The following MTMR9 variants were observed in gnomAD, a reference collection of about 807,000 sequenced individuals.
MTMR9 encodes the protein myotubularin-related protein 9.
MTMR9 carries 39 observed loss-of-function variants against 69.5 expected under a neutral mutation model. That is an observed-to-expected ratio of 0.56 (90% CI 0.43 to 0.73). The LOEUF is 0.73. Ranked by LOEUF, MTMR9 falls within the 30% of genes least tolerant of loss-of-function variation. The pLI, the probability that MTMR9 is intolerant of heterozygous loss-of-function variation, is 0.00. For synonymous variants in MTMR9, 354 were observed against 240.8 expected (o/e 1.47, Z -4.35); for missense variants, 900 against 671.2 (o/e 1.34, Z -3.77).
chr8:11,289,672 G>T lies in MTMR9; in HGVS notation c.182+4602G>T, dbSNP rs74629787. ...CCACGTTAGTTGTTGCTATAAAATA[G>T]ATAGCACTATTGTGTATGGGTGTGC... On this transcript the variant is annotated intron_variant, in intron 1 of 9. Coordinates refer to ENST00000221086, the MANE Select transcript of MTMR9 (RefSeq NM_015458.4). Among the ~76,000 whole-genome samples, 1,198 of 152,206 alleles carry T rather than the reference G, an allele frequency of 7.9e-3. 63 individuals are homozygous for T. In the East Asian group the frequency reaches 0.13, roughly 17 times the overall value.
At chr8:11,321,379 A>G (rs953925055) in intron 9 of MTMR9, 2 of 456,126 alleles carry the variant, frequency 4.4e-6, no homozygotes, top group Non-Finnish European at 8.8e-6. Context: ...TTCTGGGACA[A>G]TGTACTTAAA....
In MTMR9 at chr8:11,325,678, A is replaced by G. The variant is rs973982830; in HGVS notation, c.*2890A>G. The stretch of plus-strand genomic sequence containing the variant: ...AGTACTTTTTTTTTTTTTAATCAGA[A>G]GAACATTGTTGTTTGATTATATGTT... On this transcript the variant is annotated 3_prime_UTR_variant, in exon 10 of 10. Transcript: ENST00000221086. 4 of 151,964 alleles carry G rather than the reference A, an allele frequency of 2.6e-5. No homozygotes were observed. The highest frequency in any genetic ancestry group is 6.6e-5 in the Admixed American group (1 of 15,258). The allele number at this position is 151,964 out of a possible 1,614,324, so 9.4% of individuals were successfully genotyped here.
intron 7 of MTMR9, 64 bp downstream of exon 7, chr8:11,315,128 G>A: frequency 6.4e-7 from 1 of 1,563,040 alleles, no homozygotes; most frequent in Non-Finnish European, 8.8e-7. Flanking sequence ...GCTTTGTGTG[G>A]TAGCTGACAT....
chr8:11,312,126 C>T (rs1372617755), intron 6 of MTMR9, among the ~76,000 whole-genome samples: 6 of 152,056 alleles, frequency 3.9e-5, no homozygotes, highest in African/African-American at 4.8e-5. Context: ...CGCACCGCAG[C>T]CTAGAACTCC....
At chr8:11,330,308 A>G (rs1352150839), downstream of MTMR9, among the ~76,000 whole-genome samples, 3 of 120,022 alleles carry the variant, frequency 2.5e-5, no homozygotes, top group South Asian at 3.1e-4. Context: ...GTCAGCCCCC[A>G]CCCGGCCAGC....
rs565708334 is a variant in MTMR9 at position 11,323,391 on chromosome 8, A to C, written c.*603A>C. Reference sequence around the variant, plus strand: ...AAGGAAAATCTGTTATTCAAGGTAAATTATTTCTACAAGGGCAACAGGTAT... The same window carrying C: ...AAGGAAAATCTGTTATTCAAGGTAACTTATTTCTACAAGGGCAACAGGTAT... On this transcript the variant is annotated 3_prime_UTR_variant, in exon 10 of 10. Coordinates refer to ENST00000221086, the MANE Select transcript of MTMR9 (RefSeq NM_015458.4). The C allele has an allele frequency of 9.2e-5, 14 of 152,344 alleles. No individual in the cohort carries two copies. Among genetic ancestry groups the C allele is most frequent in the African/African-American group, 3.1e-4 (13 of 41,588 alleles). 9.4% of individuals were successfully genotyped at this position (152,344 alleles called of 1,614,324 possible).
chr8:11,319,485 CTT>C, intron 8 of MTMR9, 200 bp from the exon 9 acceptor site: 1 of 570,702 alleles, frequency 1.8e-6, no homozygotes, highest in Non-Finnish European at 3.1e-6. Flanking sequence ...GTAAAATACT[CTT>C]TGTTTTGTTG....
intron 1 of MTMR9, among the ~76,000 whole-genome samples, chr8:11,288,720 G>A (rs1314257648): frequency 3.3e-5 from 5 of 152,212 alleles, no homozygotes; most frequent in African/African-American, 1.2e-4. Context: ...GCAGGCCACA[G>A]TAATGGTTTT....
At chr8:11,321,532 C>A (rs1213933307) in intron 9 of MTMR9, 1 of 456,544 alleles carries the variant, frequency 2.2e-6, no homozygotes, top group South Asian at 1.5e-5. Flanking sequence ...GGGATGAAAT[C>A]CTTGTTCTGT....
downstream of MTMR9, chr8:11,330,745 C>G (rs980139697): frequency 2.6e-6 from 1 of 388,542 alleles, no homozygotes; most frequent in Admixed American, 4.4e-5. Flanking sequence ...CATCACCACT[C>G]CCTAATCTCA....
In MTMR9 at chr8:11,294,500, C is replaced by CTT. The variant is rs61227530; in HGVS notation, c.183-677_183-676dup. ...TGTTAGATTTTGTCAAATACTTTCACTTTTTTTTTTTTTTTTTTGAGACAG... is the reference window on the plus strand; with the variant it reads ...TGTTAGATTTTGTCAAATACTTTCACTTTTTTTTTTTTTTTTTTTTGAGACAG... On this transcript the variant is annotated intron_variant, in intron 1 of 9. Coordinates refer to ENST00000221086, the MANE Select transcript of MTMR9 (RefSeq NM_015458.4). 1.9e-4 allele frequency among the ~76,000 whole-genome samples: 20 copies of CTT among 105,812 alleles called. 1 individual carries two copies. Among genetic ancestry groups the CTT allele is most frequent in the East Asian group, 1.2e-3 (4 of 3,478 alleles). The allele number at this position is 105,812 out of a possible 152,430, so 69.4% of individuals were successfully genotyped here.
rs368568934 is a variant in MTMR9, at chr8:11,319,887, G to C, written c.1486+49G>C. 3 of 1,597,336 alleles carry C rather than the reference G, an allele frequency of 1.9e-6. No individual in the cohort carries two copies. The African/African-American group carries it at 4.0e-5, about 21-fold the overall frequency. Reference sequence around the variant, plus strand: ...CTTCTTAACGGTCAGGTGTGCATGCGGCTGCCTGTGAGTGTGTGCTGTTGG... The same window carrying C: ...CTTCTTAACGGTCAGGTGTGCATGCCGCTGCCTGTGAGTGTGTGCTGTTGG... On this transcript the variant is annotated intron_variant, in intron 9 of 9. Transcript: ENST00000221086.
intron 9 of MTMR9, 179 bp downstream of exon 9, chr8:11,320,017 T>A (rs891094145): frequency 6.8e-5 from 13 of 190,424 alleles, no homozygotes; most frequent in Middle Eastern, 3.4e-3. Context: ...CTAGCCACAC[T>A]TTTTTTTTTT....
At chr8:11,301,787 TG>T (rs1799756827) in intron 3 of MTMR9, among the ~76,000 whole-genome samples, 1 of 152,138 alleles carries the variant, frequency 6.6e-6, no homozygotes, top group African/African-American at 2.4e-5. Flanking sequence ...CTAATGCAAA[TG>T]TTAAGTAGCT....
intron 2 of MTMR9, among the ~76,000 whole-genome samples, chr8:11,298,111 C>CT (rs1197556050): frequency 1.3e-5 from 2 of 152,130 alleles, no homozygotes; most frequent in Non-Finnish European, 2.9e-5. Context: ...GTTAGTGAAG[C>CT]TTTTTTTCAG....
At chr8:11,300,597 A>G (rs754705318) in intron 3 of MTMR9, 1 of 152,310 alleles carries the variant, frequency 6.6e-6, no homozygotes, top group African/African-American at 2.4e-5. Flanking sequence ...AAAAAAAAGC[A>G]AAGTAACTAG....
intron 3 of MTMR9, among the ~76,000 whole-genome samples, chr8:11,304,087 G>T (rs1207776915): frequency 6.6e-6 from 1 of 151,658 alleles, no homozygotes. Flanking sequence ...TTTTGACAGT[G>T]TTCAAGCTGT....
intron 8 of MTMR9, chr8:11,317,201 A>T (rs894100186): frequency 4.5e-5 from 8 of 176,014 alleles, no homozygotes; most frequent in Non-Finnish European, 8.3e-5. Context: ...TTTATAATTC[A>T]GGTCTTCCCT....
At chr8:11,312,180 T>C (rs1180544359) in intron 6 of MTMR9, among the ~76,000 whole-genome samples, 1 of 151,910 alleles carries the variant, frequency 6.6e-6, no homozygotes, top group African/African-American at 2.4e-5. Context: ...AAATAGCCAG[T>C]ACTACAGGTG....
Sources: allele counts gnomAD v4.1 joint callset (sites outside exome capture counted in the v4.1 genomes callset), GRCh38; gene constraint gnomAD v4.1.1; transcripts MANE v1.5; gene names NCBI Gene and HGNC (gene_info 2026-07-23, HGNC 2026-07-21).